MBD3: variants seen among roughly 807,000 people sequenced by gnomAD.
MBD3 encodes the protein methyl-CpG-binding domain protein 3.
Under a neutral mutation model 31.2 loss-of-function variants are expected in MBD3, and 13 were observed. The observed-to-expected ratio is 0.42, with a 90% CI of 0.27 to 0.66. MBD3 has a LOEUF of 0.66. Among genes scored for constraint, MBD3 ranks in the 30% least tolerant of loss-of-function variants. The probability of loss-of-function intolerance (pLI) is 0.26; values close to 1 mark genes in which losing one functional copy is unlikely to be tolerated. For missense variants in MBD3, 440 were observed against 426.5 expected (o/e 1.03, Z -0.28); for synonymous variants, 223 against 187.4 (o/e 1.19, Z -1.55).
At position 1,578,465 on chromosome 19, in the gene MBD3, C is replaced by A; in HGVS notation, c.751G>T (p.Val251Leu). The A allele has an allele frequency of 6.2e-7, 1 of 1,609,794 alleles. No homozygotes were observed. ...TCCCCGTCACGGGCCAGCTCCTCCA[C>A]GTGCGCCAGCATGTCGGCCATCAGC... ...EALMADMLAH[V>L]EELARDGEAP... Residue 251 changes from valine (V) to leucine (L), a missense_variant, in exon 6 of 7, where the codon GTG becomes TTG. Around this residue, in one of 3 missense-constraint regions of MBD3, gnomAD observed 117 missense variants for 95.0 expected, o/e 1.23. Transcript: ENST00000434436. The surrounding 1 kb of genome is among the most constrained non-coding windows in gnomAD (Gnocchi z 6.1).
chr19:1,585,172 G>A lies in MBD3; in HGVS notation c.153C>T (p.Arg51=), dbSNP rs1300894801. The stretch of plus-strand genomic sequence containing the variant: ...TCAGGTCCATGGAGCCGCCCAGGTA[G>A]CGCGCCAGCTGCGGCTTGCTGCGGA... ...KKFRSKPQLA[R]YLGGSMDLST... is the part of the protein sequence containing the mutation. Residue 51 remains arginine (R), a synonymous_variant, in exon 2 of 7, where the codon CGC becomes CGT. Transcript: ENST00000434436. This position sits in a 1 kb window ranked among gnomAD's most constrained non-coding sequence, Gnocchi z 4.1. 1 of 1,608,366 alleles carries A rather than the reference G, an allele frequency of 6.2e-7. No homozygotes were observed. The highest frequency in any genetic ancestry group is 8.5e-7 in the Non-Finnish European group (1 of 1,179,274).
At position 1,577,865 on chromosome 19, in the gene MBD3, C is replaced by T. The variant is rs1599337769; in HGVS notation, c.*299G>A. 1 of 181,296 alleles carries T rather than the reference C, an allele frequency of 5.5e-6. No homozygotes were observed. Among genetic ancestry groups the T allele is most frequent in the East Asian group, 1.5e-4 (1 of 6,496 alleles). The allele number at this position is 181,296 out of a possible 1,614,324, so 11.2% of individuals were successfully genotyped here. A position where few individuals can be genotyped will look rare whatever the true frequency, so the allele number is the denominator to read the frequency against. Reference sequence around the variant, plus strand: ...CTGGGACAGCGGGCATGGGGAGGAGCTGGCCTCGAGCCCAAAGGTCGTAGG... The same window carrying T: ...CTGGGACAGCGGGCATGGGGAGGAGTTGGCCTCGAGCCCAAAGGTCGTAGG... On this transcript the variant is annotated 3_prime_UTR_variant, in exon 7 of 7. Transcript: ENST00000434436.
At chr19:1,581,991 T>A (rs1322018131) in intron 4 of MBD3, among the ~76,000 whole-genome samples, 2 of 152,060 alleles carry the variant, frequency 1.3e-5, no homozygotes, top group Non-Finnish European at 2.9e-5. Flanking sequence ...ATGATCTCGA[T>A]CTCCTGACCT....
Position 1,592,573 on chromosome 19 carries a change from A to G in MBD3, c.59T>C (p.Val20Ala). The G allele has an allele frequency of 1.4e-6, 2 of 1,443,876 alleles. No homozygotes were observed. The highest frequency in any genetic ancestry group is 1.9e-5 in the Admixed American group (1 of 51,392). 89.4% of individuals were successfully genotyped at this position (1,443,876 alleles called of 1,614,324 possible). The part of the protein sequence containing the change: ...ALPQGWEREE[V>A]PRRSGLSAGH... ...GGCCGACAGCCCCGACCTTCTGGGC[A>G]CTTCTTCCCTCTCCCAGCCCTGCGG... Residue 20 changes from valine (V) to alanine (A), a missense_variant, in exon 1 of 7, where the codon GTG becomes GCG. By Grantham distance (64) the Val-to-Ala change is moderately conservative (BLOSUM62 0). Coordinates refer to ENST00000434436, the MANE Select transcript of MBD3 (RefSeq NM_001281453.2).
intron 1 of MBD3, among the ~76,000 whole-genome samples, chr19:1,588,081 T>C (rs556312733): frequency 2.6e-5 from 4 of 152,318 alleles, no homozygotes; most frequent in African/African-American, 9.6e-5. Flanking sequence ...CCAGGATCTA[T>C]GTACTGGGCC....
chr19:1,582,295 C>T (rs887294350), intron 4 of MBD3, among the ~76,000 whole-genome samples: 1 of 152,180 alleles, frequency 6.6e-6, no homozygotes, highest in African/African-American at 2.4e-5. Flanking sequence ...GAAGCAAAGT[C>T]AGCTGTCCTT....
chr19:1,586,007 TGTCACATGA>T (rs1485526892), intron 1 of MBD3: 1 of 152,286 alleles, frequency 6.6e-6, no homozygotes, highest in African/African-American at 2.4e-5. Context: ...TTGCCCTGTG[TGTCACATGA>T]GGTCACACTA....
In MBD3 at chr19:1,585,251, C is replaced by G; in HGVS notation, c.111-37G>C. ...CGGGACGGTCGGCGCCCCGGGCGGA[C>G]CCCAGACCCCAAACCCAGGCCTCGG... On this transcript the variant is annotated intron_variant, in intron 1 of 6. Coordinates refer to ENST00000434436, the MANE Select transcript of MBD3 (RefSeq NM_001281453.2). This position sits in a 1 kb window ranked among gnomAD's most constrained non-coding sequence, Gnocchi z 4.1. 6.5e-7 allele frequency: 1 copy of G among 1,542,994 alleles called. No homozygotes were observed. The highest frequency in any genetic ancestry group is 2.4e-5 in the East Asian group (1 of 41,324).
At position 1,578,662 on chromosome 19, in the gene MBD3, C is replaced by T; in HGVS notation, c.678-124G>A. On this transcript the variant is annotated intron_variant, in intron 5 of 6. Transcript: ENST00000434436. The surrounding 1 kb of genome is among the most constrained non-coding windows in gnomAD (Gnocchi z 6.1). ...GGGATCCACAGGCACCCCCCCAGGA[C>T]CAGCCCTGGCCCGTGCCACCCCTCC... 1 of 1,573,548 alleles carries T rather than the reference C, an allele frequency of 6.4e-7. No individual in the cohort carries two copies. Among genetic ancestry groups the T allele is most frequent in the Non-Finnish European group, 8.6e-7 (1 of 1,159,932 alleles).
rs1915251961 is a variant in MBD3 at position 1,574,821 on chromosome 19, G to C, written c.*3343C>G. ...GCCATGAGGGACACACACAGGCGAG[G>C]GGCATCCCCGGGGATCTTTGCGGTG... is the stretch of plus-strand genomic sequence containing the variant. On this transcript the variant is annotated 3_prime_UTR_variant, in exon 7 of 7. Transcript: ENST00000434436. 5.4e-6 allele frequency: 1 copy of C among 185,908 alleles called. No homozygotes were observed. The highest frequency in any genetic ancestry group is 1.2e-5 in the Non-Finnish European group (1 of 86,208). 11.5% of individuals were successfully genotyped at this position (185,908 alleles called of 1,614,324 possible). A position where few individuals can be genotyped will look rare whatever the true frequency, so the allele number is the denominator to read the frequency against.
chr19:1,581,977 C>T (rs532645308), intron 4 of MBD3, among the ~76,000 whole-genome samples: 7 of 152,104 alleles, frequency 4.6e-5, no homozygotes, highest in African/African-American at 7.2e-5. Context: ...CCATGTTAGC[C>T]AGGATGATCT....
chr19:1,578,632 C>G lies in MBD3; in HGVS notation c.678-94G>C, dbSNP rs1482975216. On this transcript the variant is annotated intron_variant, in intron 5 of 6. Coordinates refer to ENST00000434436, the MANE Select transcript of MBD3 (RefSeq NM_001281453.2). The surrounding 1 kb of genome is among the most constrained non-coding windows in gnomAD (Gnocchi z 6.1). ...TGGGGACCTCAGCTGGGAGGGGAGG[C>G]CCGAGGGATCCACAGGCACCCCCCC... 1.3e-6 allele frequency: 2 copies of G among 1,597,806 alleles called. No homozygotes were observed. Among genetic ancestry groups the G allele is most frequent in the African/African-American group, 2.7e-5 (2 of 74,990 alleles).
chr19:1,587,923 C>G (rs960832927), intron 1 of MBD3, among the ~76,000 whole-genome samples: 3 of 152,198 alleles, frequency 2.0e-5, no homozygotes, highest in Non-Finnish European at 4.4e-5. Context: ...CTCTTCTGCC[C>G]CTGCCCCAGA....
intron 5 of MBD3, among the ~76,000 whole-genome samples, chr19:1,580,052 C>T (rs1961497842): frequency 6.6e-6 from 1 of 152,222 alleles, no homozygotes; most frequent in South Asian, 2.1e-4. Flanking sequence ...GCCACTGTGC[C>T]CGGCCTTATT....
At position 1,585,307 on chromosome 19, in the gene MBD3, C is replaced by A; in HGVS notation, c.111-93G>T. 7.1e-7 allele frequency: 1 copy of A among 1,417,928 alleles called. No individual in the cohort carries two copies. The allele number at this position is 1,417,928 out of a possible 1,614,324, so 87.8% of individuals were successfully genotyped here. ...GACCCAAACCCAGTCCCAGCCCCAG[C>A]TTCAGGTCGCGACCCCAGCCCCAGA... is the stretch of plus-strand genomic sequence containing the variant. On this transcript the variant is annotated intron_variant, in intron 1 of 6. Coordinates refer to ENST00000434436, the MANE Select transcript of MBD3 (RefSeq NM_001281453.2). The surrounding 1 kb of genome is among the most constrained non-coding windows in gnomAD (Gnocchi z 4.1).
chr19:1,582,692 C>A lies in MBD3; in HGVS notation c.429G>T (p.Leu143=). Residue 143 remains leucine, a synonymous_variant, in exon 4 of 7, where the codon CTG becomes CTT. Coordinates refer to ENST00000434436, the MANE Select transcript of MBD3 (RefSeq NM_001281453.2). ...QPRQLFWEKK[L]SGLNAFDIAE... is the part of the protein sequence containing the mutation. ...CAATGTCGAAGGCGTTCAGGCCGCT[C>A]AGCTTCTTCTCCCAGAAGAGCTGCC... 1 of 1,613,922 alleles carries A rather than the reference C, an allele frequency of 6.2e-7. No homozygotes were observed. The highest frequency in any genetic ancestry group is 8.5e-7 in the Non-Finnish European group (1 of 1,179,974).
At chr19:1,579,632 TCTCA>T (rs1301619631) in intron 5 of MBD3, among the ~76,000 whole-genome samples, 1 of 152,078 alleles carries the variant, frequency 6.6e-6, no homozygotes, top group Non-Finnish European at 1.5e-5. Context: ...AGCTGCTCCC[TCTCA>T]CTCTGTCCCC....
chr19:1,575,071 C>T lies in MBD3; in HGVS notation c.*3093G>A, dbSNP rs574558887. On this transcript the variant is annotated 3_prime_UTR_variant, in exon 7 of 7. Transcript: ENST00000434436. The stretch of plus-strand genomic sequence containing the variant: ...CTCTCCTCCCTGGTACCCTCTGTGG[C>T]GGCAGCGGTGGGGAGCTTGGTCTGA... 9.9e-5 allele frequency: 37 copies of T among 373,236 alleles called. No homozygotes were observed. Among genetic ancestry groups the T allele is most frequent in the South Asian group, 5.5e-4 (29 of 52,488 alleles). 23.1% of individuals were successfully genotyped at this position (373,236 alleles called of 1,614,324 possible). A position where few individuals can be genotyped will look rare whatever the true frequency, so the allele number is the denominator to read the frequency against.
At chr19:1,592,500 C>G in intron 1 of MBD3, 22 bp downstream of exon 1, 1 of 1,334,230 alleles carries the variant, frequency 7.5e-7, no homozygotes, top group Non-Finnish European at 1.0e-6. Flanking sequence ...TGAGGCCCTG[C>G]GCGGCCGGCG....
Sources: gnomAD v4.1 joint callset for allele counts (sites outside exome capture counted in the v4.1 genomes callset) on GRCh38, gnomAD v4.1.1 for gene constraint, gnomAD v4.1.1 regional missense constraint, Gnocchi (gnomAD v3.1) non-coding constraint, MANE v1.5 for transcripts, NCBI Gene and HGNC (gene_info 2026-07-23, HGNC 2026-07-21) for gene names.